The following KCNQ1 variants were observed in gnomAD, a reference collection of about 807,000 sequenced individuals.
KCNQ1 encodes potassium voltage-gated channel subfamily Q member 1.
A neutral mutation model predicts 72.4 loss-of-function variants in KCNQ1; 49 were observed. That is an observed-to-expected ratio of 0.68 (90% confidence interval 0.54 to 0.86). KCNQ1 has a LOEUF of 0.86. Among genes scored for constraint, KCNQ1 ranks in the 40% least tolerant of loss-of-function variants. KCNQ1 has a pLI of 0.00. For synonymous variants in KCNQ1, 450 were observed against 412.6 expected (o/e 1.09, Z -1.10); for missense variants, 790 against 945.1 (o/e 0.84, Z 2.15).
At chr11:2,841,237 G>A (rs950518003) in intron 15 of KCNQ1, among the ~76,000 whole-genome samples, 5 of 152,196 alleles carry the variant, frequency 3.3e-5, no homozygotes, top group African/African-American at 9.7e-5. Flanking sequence ...AGATCAACAC[G>A]GGCATGCTCA....
rs57981461 is a variant in KCNQ1 at position 2,666,284 on chromosome 11, G to A, written c.1514+4203G>A. On this transcript the variant is annotated intron_variant, in intron 11 of 15. Coordinates refer to ENST00000155840, the MANE Select transcript of KCNQ1 (RefSeq NM_000218.3). ...ACCCCCGAGGCTGGGCAGAGGGGGT[G>A]GAAAGAAGGCAGAGGGAAAGCTGCA... 5.8e-3 allele frequency: 2,295 copies of A among 398,724 alleles called. 41 individuals carry two copies. The highest frequency in any genetic ancestry group is 0.043 in the African/African-American group (2,116 of 48,748). 24.7% of individuals were successfully genotyped at this position (398,724 alleles called of 1,614,324 possible).
rs1446664279 is a variant in KCNQ1, at chr11:2,724,395, G to T, written c.1515-44449G>T. On this transcript the variant is annotated intron_variant, in intron 11 of 15. Transcript: ENST00000155840. The surrounding 1 kb of genome is among the most constrained non-coding windows in gnomAD (Gnocchi z 6.8). ...ACAGTGGAATGGAGCTGGCAGCCAG[G>T]GTCCCTGTCCCGCCAGCCCTAGGCC... Among the ~76,000 whole-genome samples the T allele has an allele frequency of 6.6e-6, 1 of 152,172 alleles. No homozygotes were observed. Among genetic ancestry groups the T allele is most frequent in the Non-Finnish European group, 1.5e-5 (1 of 68,012 alleles).
intron 1 of KCNQ1, among the ~76,000 whole-genome samples, chr11:2,517,297 T>C (rs540006206): frequency 6.6e-6 from 1 of 152,134 alleles, no homozygotes; most frequent in Non-Finnish European, 1.5e-5. Flanking sequence ...TTCCTGGCGA[T>C]GGGGATGGGG....
rs949948937 is a variant in KCNQ1, at chr11:2,746,484, T to C, written c.1515-22360T>C. ...CCTCATCCGTCTCCCTGGGCTCCTC[T>C]GGGCGGTGACTGTTTCCCAGGCTCT... On this transcript the variant is annotated intron_variant, in intron 11 of 15. Transcript: ENST00000155840. This position sits in a 1 kb window ranked among gnomAD's most constrained non-coding sequence, Gnocchi z 5.9. Among the ~76,000 whole-genome samples the C allele has an allele frequency of 6.6e-6, 1 of 152,176 alleles. No homozygotes were observed. The highest frequency in any genetic ancestry group is 1.5e-5 in the Non-Finnish European group (1 of 68,020).
intron 1 of KCNQ1, among the ~76,000 whole-genome samples, chr11:2,467,278 C>T (rs1174417910): frequency 2.0e-5 from 3 of 152,168 alleles, no homozygotes; most frequent in Non-Finnish European, 4.4e-5. Context: ...CCCTTCGTGG[C>T]ACCTTGGTGT....
rs940304365 is a variant in KCNQ1, at chr11:2,734,854, G to C, written c.1515-33990G>C. ...GAAATAGGGATGACCTCCTGTGCTGGGGCCTGGCTGTGGCTTCCCAGGCCC... is the reference window on the plus strand; with the variant it reads ...GAAATAGGGATGACCTCCTGTGCTGCGGCCTGGCTGTGGCTTCCCAGGCCC... On this transcript the variant is annotated intron_variant, in intron 11 of 15. Transcript: ENST00000155840. This position sits in a 1 kb window ranked among gnomAD's most constrained non-coding sequence, Gnocchi z 7.0. 5.3e-5 allele frequency among the ~76,000 whole-genome samples: 8 copies of C among 152,060 alleles called. No homozygotes were observed. Among genetic ancestry groups the C allele is most frequent in the Admixed American group, 5.2e-4 (8 of 15,284 alleles).
chr11:2,552,574 C>T (rs929563385), intron 2 of KCNQ1, among the ~76,000 whole-genome samples: 12 of 152,080 alleles, frequency 7.9e-5, no homozygotes, highest in African/African-American at 2.9e-4. Flanking sequence ...AGAATCAGCT[C>T]GTCAATTCTA....
At position 2,484,223 on chromosome 11, in the gene KCNQ1, G is replaced by A. The variant is rs1470039726; in HGVS notation, c.386+38739G>A. On this transcript the variant is annotated intron_variant, in intron 1 of 15. Transcript: ENST00000155840. This position sits in a 1 kb window ranked among gnomAD's most constrained non-coding sequence, Gnocchi z 5.2. ...CTCTTGCACAGGCTGGAGTGCAGTG[G>A]CATGATCTCGGCTCACTGAAACCTC... Among the ~76,000 whole-genome samples, 2 of 152,086 alleles carry A rather than the reference G, an allele frequency of 1.3e-5. No homozygotes were observed. The highest frequency in any genetic ancestry group is 2.9e-5 in the Non-Finnish European group (2 of 68,014).
At position 2,458,458 on chromosome 11, in the gene KCNQ1, T is replaced by C. The variant is rs1846226785; in HGVS notation, c.386+12974T>C. 6.6e-6 allele frequency among the ~76,000 whole-genome samples: 1 copy of C among 152,232 alleles called. No individual in the cohort carries two copies. Among genetic ancestry groups the C allele is most frequent in the Admixed American group, 6.5e-5 (1 of 15,286 alleles). ...CCAGTAGCTGATGGGGTTGCGTCCT[T>C]CTTTGGGACTCCCGCAGATGCCTGA... On this transcript the variant is annotated intron_variant, in intron 1 of 15. Transcript: ENST00000155840. This position sits in a 1 kb window ranked among gnomAD's most constrained non-coding sequence, Gnocchi z 4.6.
rs1846834647 is a variant in KCNQ1 at position 2,782,174 on chromosome 11, TGCTGTTCATCCTCTCCCTTTA to T, written c.1794+4140_1794+4160del. On this transcript the variant is annotated intron_variant, in intron 15 of 15. Coordinates refer to ENST00000155840, the MANE Select transcript of KCNQ1 (RefSeq NM_000218.3). The surrounding 1 kb of genome is among the most constrained non-coding windows in gnomAD (Gnocchi z 6.1). ...AGCTGCACCCCCAGAGCCGCCGTGC[TGCTGTTCATCCTCTCCCTTTA>T]GCCCAACCCCTGCTGAGTTCAGGCC... is the stretch of plus-strand genomic sequence containing the variant. Among the ~76,000 whole-genome samples the T allele has an allele frequency of 6.6e-6, 1 of 152,174 alleles. No homozygotes were observed. The highest frequency in any genetic ancestry group is 2.4e-5 in the African/African-American group (1 of 41,440).
At chr11:2,618,331 T>C (rs765487831) in intron 10 of KCNQ1, 1 of 398,526 alleles carries the variant, frequency 2.5e-6, no homozygotes, top group Non-Finnish European at 4.4e-6. Context: ...AAAAATTCAA[T>C]GTTTTAACAA....
intron 2 of KCNQ1, among the ~76,000 whole-genome samples, chr11:2,560,956 A>G (rs910064396): frequency 2.0e-5 from 3 of 151,998 alleles, no homozygotes; most frequent in African/African-American, 7.3e-5. Context: ...TAATCCCAGC[A>G]CTTTGGGAGG....
intron 11 of KCNQ1, among the ~76,000 whole-genome samples, chr11:2,714,101 C>G (rs1216192108): frequency 6.6e-6 from 1 of 152,248 alleles, no homozygotes; most frequent in Non-Finnish European, 1.5e-5. Context: ...TTCCGAGCCT[C>G]TCCTGTTGCT....
rs1003494358 is a variant in KCNQ1, at chr11:2,593,269, C to A, written c.1393+4415C>A. On this transcript the variant is annotated intron_variant, in intron 10 of 15. Transcript: ENST00000155840. This position sits in a 1 kb window ranked among gnomAD's most constrained non-coding sequence, Gnocchi z 6.9. Reference sequence around the variant, plus strand: ...AATGCCCCTAGGAGGCCAGAGGAGACTTCCCCAAATTCACTGGTCCTGGAG... The same window carrying A: ...AATGCCCCTAGGAGGCCAGAGGAGAATTCCCCAAATTCACTGGTCCTGGAG... 6.6e-6 allele frequency among the ~76,000 whole-genome samples: 1 copy of A among 152,218 alleles called. No homozygotes were observed. Among genetic ancestry groups the A allele is most frequent in the Non-Finnish European group, 1.5e-5 (1 of 68,042 alleles).
intron 12 of KCNQ1, among the ~76,000 whole-genome samples, chr11:2,773,231 T>C (rs1174940837): frequency 1.3e-5 from 2 of 150,916 alleles, no homozygotes; most frequent in Non-Finnish European, 1.5e-5. Context: ...TCCCATCTTA[T>C]AGAAGAGAGA....
intron 2 of KCNQ1, among the ~76,000 whole-genome samples, chr11:2,540,856 G>GC (rs1295135997): frequency 6.6e-6 from 1 of 152,248 alleles, no homozygotes; most frequent in African/African-American, 2.4e-5. Flanking sequence ...AAAGTCCTGG[G>GC]CGGCTGTGAG....
chr11:2,562,784 G>A lies in KCNQ1; in HGVS notation c.478-7844G>A, dbSNP rs950882852. 8.5e-5 allele frequency among the ~76,000 whole-genome samples: 13 copies of A among 152,148 alleles called. No homozygotes were observed. Among genetic ancestry groups the A allele is most frequent in the African/African-American group, 1.9e-4 (8 of 41,440 alleles). On this transcript the variant is annotated intron_variant, in intron 2 of 15. Transcript: ENST00000155840. This position sits in a 1 kb window ranked among gnomAD's most constrained non-coding sequence, Gnocchi z 7.5. ...AGTCTATGGGGGCGCCAGGGAGGCC[G>A]GCTGTGTTTCTGCATCCTTGACCCT...
At chr11:2,707,647 C>G (rs554543697) in intron 11 of KCNQ1, among the ~76,000 whole-genome samples, 2 of 152,362 alleles carry the variant, frequency 1.3e-5, no homozygotes, top group East Asian at 3.9e-4. Flanking sequence ...AGTCCTGTAG[C>G]ACTTAGTATG....
intron 11 of KCNQ1, among the ~76,000 whole-genome samples, chr11:2,702,325 T>A (rs139203451): frequency 6.6e-6 from 1 of 152,342 alleles, no homozygotes; most frequent in Non-Finnish European, 1.5e-5. Context: ...GTGGACTCCT[T>A]CAGTCCTCGC....
Sources: gnomAD v4.1 joint callset for allele counts (sites outside exome capture counted in the v4.1 genomes callset) on GRCh38, gnomAD v4.1.1 for gene constraint, Gnocchi (gnomAD v3.1) non-coding constraint, MANE v1.5 for transcripts, NCBI Gene and HGNC (gene_info 2026-07-23, HGNC 2026-07-21) for gene names.